FMN2: variants seen among roughly 807,000 people sequenced by gnomAD.
FMN2 encodes formin-2.
In FMN2, 51 loss-of-function variants were observed where a neutral mutation model predicts 142.3. The ratio of observed to expected loss-of-function variants is 0.36; its 90% CI spans 0.29 to 0.45. FMN2 has a LOEUF of 0.45. Among genes scored for constraint, FMN2 ranks in the 20% least tolerant of loss-of-function variants. The probability of loss-of-function intolerance (pLI) is 1.00; values close to 1 mark genes in which losing one functional copy is unlikely to be tolerated. For synonymous variants in FMN2, 882 were observed against 869.8 expected, an observed-to-expected ratio of 1.01 and a Z score of -0.25; for missense variants, 1,936 against 2,122.8, an observed-to-expected ratio of 0.91 and a Z score of 1.73.
At chr1:240,195,603 C>T (rs1665882700) in intron 4 of FMN2, among the ~76,000 whole-genome samples, 1 of 152,140 alleles carries the variant, frequency 6.6e-6, no homozygotes, top group East Asian at 1.9e-4. Flanking sequence ...CAGGGGCTTG[C>T]AGGAATCTAA....
At chr1:240,356,579 CTTATAA>C (rs1368003239) in intron 14 of FMN2, among the ~76,000 whole-genome samples, 3 of 152,084 alleles carry the variant, frequency 2.0e-5, no homozygotes, top group Non-Finnish European at 4.4e-5. Context: ...ATCACTGAAA[CTTATAA>C]TTATATCAAA....
In FMN2 at chr1:240,093,555, G is replaced by C; in HGVS notation, c.1446G>C (p.Ser482=). Residue 482 remains serine, a synonymous_variant, in exon 1 of 18, where the codon TCG becomes TCC. Transcript: ENST00000319653. The part of the protein sequence containing the change: ...DGGLAAGLSR[S]ADWTEELGAR... ...GCCTTGCGGCCGGCCTGAGCCGCTC[G>C]GCTGACTGGACGGAGGAGCTAGGCG... The C allele has an allele frequency of 6.6e-7, 1 of 1,516,028 alleles. No individual in the cohort carries two copies. The highest frequency in any genetic ancestry group is 8.8e-7 in the Non-Finnish European group (1 of 1,139,910). 93.9% of individuals were successfully genotyped at this position (1,516,028 alleles called of 1,614,324 possible).
At chr1:240,106,951 C>T (rs991077896) in intron 1 of FMN2, among the ~76,000 whole-genome samples, 8 of 151,476 alleles carry the variant, frequency 5.3e-5, no homozygotes, top group African/African-American at 1.2e-4. Flanking sequence ...CCCAAAGTGC[C>T]GGTTTTACAG....
At chr1:240,298,191 A>G (rs1670058614) in intron 8 of FMN2, among the ~76,000 whole-genome samples, 1 of 152,188 alleles carries the variant, frequency 6.6e-6, no homozygotes, top group South Asian at 2.1e-4. Context: ...TTGTTTCAGG[A>G]AAACAATTAT....
chr1:240,220,608 G>A (rs1275329875), intron 6 of FMN2, among the ~76,000 whole-genome samples: 1 of 151,836 alleles, frequency 6.6e-6, no homozygotes, highest in Admixed American at 6.6e-5. Context: ...GAAAGCATTC[G>A]CTAACCTCAT....
intron 7 of FMN2, among the ~76,000 whole-genome samples, chr1:240,280,481 G>A (rs912610053): frequency 1.3e-4 from 20 of 152,078 alleles, no homozygotes; most frequent in Non-Finnish European, 2.4e-4. Flanking sequence ...TTATCACTGT[G>A]CCCCTTTTAG....
chr1:240,282,835 G>A (rs760572825), intron 7 of FMN2, among the ~76,000 whole-genome samples: 4 of 152,102 alleles, frequency 2.6e-5, no homozygotes, highest in Non-Finnish European at 5.9e-5. Context: ...ATATGCTCAC[G>A]TAACTAAGCC....
rs11434004 is a variant in FMN2 at position 240,332,263 on chromosome 1, T to TAA, written c.4584+1523_4584+1524dup. 5.0e-3 allele frequency among the ~76,000 whole-genome samples: 751 copies of TAA among 149,000 alleles called. 6 individuals carry two copies. Among genetic ancestry groups the TAA allele is most frequent in the African/African-American group, 0.016 (663 of 40,682 alleles). On this transcript the variant is annotated intron_variant, in intron 11 of 17. Coordinates refer to ENST00000319653, the MANE Select transcript of FMN2 (RefSeq NM_020066.5). ...TAGAGAGCTGATAAATTACATTTGTTAAAAAAAAAATGCTGAAGCCGAGTG... is the reference window on the plus strand; with the variant it reads ...TAGAGAGCTGATAAATTACATTTGTTAAAAAAAAAAAATGCTGAAGCCGAGTG...
chr1:240,168,883 C>T (rs1489324315), intron 2 of FMN2, among the ~76,000 whole-genome samples: 1 of 151,908 alleles, frequency 6.6e-6, no homozygotes, highest in East Asian at 1.9e-4. Flanking sequence ...CACATCTGAT[C>T]AACACAATTT....
chr1:240,200,766 T>A lies in FMN2; in HGVS notation c.1987-6033T>A, dbSNP rs1300599563. 2.6e-5 allele frequency among the ~76,000 whole-genome samples: 4 copies of A among 151,778 alleles called. No individual in the cohort carries two copies. In the East Asian group the frequency reaches 7.7e-4, roughly 29 times the overall value. On this transcript the variant is annotated intron_variant, in intron 4 of 17. Transcript: ENST00000319653. ...TTTGTTCTCTCTACAGTGGGAATAA[T>A]GTAAGAAGCAGATAGTTTGTTGCCC...
intron 2 of FMN2, among the ~76,000 whole-genome samples, chr1:240,148,375 G>GAGAGAGAA (rs1354019054): frequency 2.4e-4 from 35 of 145,214 alleles, no homozygotes; most frequent in African/African-American, 9.5e-4. Flanking sequence ...GACAGAGAGA[G>GAGAGAGAA]AGAGAGAAAG....
At chr1:240,206,657 C>A in intron 4 of FMN2, 142 bp from the exon 5 acceptor site, 1 of 1,013,448 alleles carries the variant, frequency 9.9e-7, no homozygotes, top group Non-Finnish European at 1.4e-6. Flanking sequence ...CCAGGGGACA[C>A]ATAGAAATAT....
intron 2 of FMN2, chr1:240,170,778 T>G: frequency 2.6e-6 from 3 of 1,158,372 alleles, no homozygotes; most frequent in Non-Finnish European, 3.9e-6. Context: ...TGGGAGGAGT[T>G]GGATTGACAG....
intron 6 of FMN2, among the ~76,000 whole-genome samples, chr1:240,251,825 T>G (rs936765090): frequency 6.6e-6 from 1 of 152,238 alleles, no homozygotes; most frequent in Non-Finnish European, 1.5e-5. Flanking sequence ...GCGGAAAGTT[T>G]AATCTGTTTA....
intron 3 of FMN2, chr1:240,179,226 A>T (rs1665051618): frequency 6.6e-6 from 1 of 152,186 alleles, no homozygotes; most frequent in East Asian, 1.9e-4. Context: ...GTTTCATGTC[A>T]TTGCCTTATT....
chr1:240,133,126 G>A (rs1309013596), intron 2 of FMN2, among the ~76,000 whole-genome samples: 1 of 152,116 alleles, frequency 6.6e-6, no homozygotes, highest in Non-Finnish European at 1.5e-5. Flanking sequence ...TGTCAGTAGT[G>A]CCAAGGTTGA....
chr1:240,213,758 A>T (rs1347662794), intron 6 of FMN2, among the ~76,000 whole-genome samples: 2 of 152,206 alleles, frequency 1.3e-5, no homozygotes, highest in East Asian at 1.9e-4. Flanking sequence ...TTAAATATTT[A>T]AAAATAGCCA....
At chr1:240,094,196 C>T (rs778948677) in intron 1 of FMN2, among the ~76,000 whole-genome samples, 69 of 152,292 alleles carry the variant, frequency 4.5e-4, no homozygotes, top group Non-Finnish European at 8.2e-4. Flanking sequence ...TCTCTGACCG[C>T]TCTCATAGCT....
chr1:240,152,468 G>T (rs922497127), intron 2 of FMN2, among the ~76,000 whole-genome samples: 1 of 152,152 alleles, frequency 6.6e-6, no homozygotes, highest in African/African-American at 2.4e-5. Flanking sequence ...GTGTGTATGT[G>T]GGGGTGGGTT....
Sources: gnomAD v4.1 joint callset for allele counts (sites outside exome capture counted in the v4.1 genomes callset) on GRCh38, gnomAD v4.1.1 for gene constraint, MANE v1.5 for transcripts, NCBI Gene and HGNC (gene_info 2026-07-23, HGNC 2026-07-21) for gene names.